Variants in MEIS2 observed in about 807,000 individuals in gnomAD.
The protein encoded by MEIS2 is homeobox protein Meis2.
A neutral mutation model predicts 58.6 loss-of-function variants in MEIS2; 9 were observed. The observed-to-expected ratio is 0.15, with a 90% CI of 0.09 to 0.27. The LOEUF is 0.27. MEIS2 is among the 10% of genes least tolerant of loss of function. The pLI is 1.00. For missense variants in MEIS2, 427 were observed against 635.0 expected (o/e 0.67, Z 3.52); for synonymous variants, 221 against 228.4 (o/e 0.97, Z 0.29).
At chr15:37,030,306 T>C (rs1430613300) in intron 8 of MEIS2, among the ~76,000 whole-genome samples, 1 of 152,146 alleles carries the variant, frequency 6.6e-6, no homozygotes, top group Non-Finnish European at 1.5e-5. Flanking sequence ...AATGTTAATA[T>C]GGATTTCGGA....
At chr15:37,086,935 AT>A (rs1337085323) in intron 6 of MEIS2, among the ~76,000 whole-genome samples, 2 of 152,204 alleles carry the variant, frequency 1.3e-5, no homozygotes, top group Non-Finnish European at 2.9e-5. Context: ...TGAGATTAAA[AT>A]ATTTGTTTAT....
At chr15:37,058,540 C>G (rs1194417036) in intron 7 of MEIS2, among the ~76,000 whole-genome samples, 1 of 152,188 alleles carries the variant, frequency 6.6e-6, no homozygotes, top group East Asian at 1.9e-4. Flanking sequence ...ACAGACGTCT[C>G]CGGCAGACAC....
At chr15:37,096,453 G>C (rs1567295882) in intron 2 of MEIS2, 23 bp from the exon 3 acceptor site, 4 of 1,609,164 alleles carry the variant, frequency 2.5e-6, no homozygotes, top group South Asian at 1.1e-5. Context: ...GCCACGCAGA[G>C]ACACACACAC....
At chr15:36,992,307 T>G (rs1257528774) in intron 8 of MEIS2, among the ~76,000 whole-genome samples, 1 of 152,110 alleles carries the variant, frequency 6.6e-6, no homozygotes, top group Non-Finnish European at 1.5e-5. Context: ...AATTAATAAT[T>G]CAGCATCAGT....
chr15:37,049,986 A>T (rs1039734063), intron 7 of MEIS2, among the ~76,000 whole-genome samples: 1 of 152,218 alleles, frequency 6.6e-6, no homozygotes, highest in Non-Finnish European at 1.5e-5. Context: ...AAAAATTTGC[A>T]ATAGATATTA....
At chr15:36,997,437 G>A (rs1226206427) in intron 8 of MEIS2, among the ~76,000 whole-genome samples, 5 of 151,580 alleles carry the variant, frequency 3.3e-5, no homozygotes, top group African/African-American at 1.2e-4. Flanking sequence ...AAGGGCCCAT[G>A]GATAATACAT....
At chr15:37,069,941 T>C (rs4496090) in intron 7 of MEIS2, among the ~76,000 whole-genome samples, 91,668 of 151,854 alleles carry the variant, frequency 0.6, 28,568 homozygotes, top group Non-Finnish European at 0.68. Context: ...TGAGGAAAGA[T>C]TGTTGTTTTC....
chr15:36,991,888 C>T (rs935764633), intron 8 of MEIS2, among the ~76,000 whole-genome samples: 2 of 133,070 alleles, frequency 1.5e-5, no homozygotes, highest in African/African-American at 5.5e-5. Flanking sequence ...CCCGGGTTCA[C>T]GCCATTCTCC....
chr15:36,958,205 G>A (rs575739481), intron 8 of MEIS2, among the ~76,000 whole-genome samples: 16 of 152,166 alleles, frequency 1.1e-4, no homozygotes, highest in Non-Finnish European at 1.6e-4. Flanking sequence ...GAGAGCCACA[G>A]TGGGAAGGCC....
intron 8 of MEIS2, among the ~76,000 whole-genome samples, chr15:36,997,521 C>G (rs554968583): frequency 1.6e-4 from 23 of 145,052 alleles, no homozygotes; most frequent in African/African-American, 5.8e-4. Flanking sequence ...GAATCTTGCT[C>G]TGTTGCCCAG....
chr15:36,977,799 C>T (rs1011307115), intron 8 of MEIS2, among the ~76,000 whole-genome samples: 3 of 152,094 alleles, frequency 2.0e-5, no homozygotes, highest in African/African-American at 7.2e-5. Context: ...AGTGTTTTCT[C>T]TCAATAAGGG....
At chr15:36,911,136 C>T (rs1474529177) in intron 9 of MEIS2, among the ~76,000 whole-genome samples, 1 of 150,450 alleles carries the variant, frequency 6.6e-6, no homozygotes, top group African/African-American at 2.4e-5. Flanking sequence ...TCTACCTTTT[C>T]CTTTCCTTAC....
intron 7 of MEIS2, among the ~76,000 whole-genome samples, chr15:37,050,329 A>AG (rs1260272839): frequency 5.3e-5 from 8 of 152,188 alleles, no homozygotes; most frequent in Non-Finnish European, 8.8e-5. Flanking sequence ...GTTTGTGCCT[A>AG]GGCTTTTATT....
intron 8 of MEIS2, among the ~76,000 whole-genome samples, chr15:36,987,867 T>C (rs2141537939): frequency 6.6e-6 from 1 of 152,254 alleles, no homozygotes; most frequent in African/African-American, 2.4e-5. Flanking sequence ...TCAGTTTCAA[T>C]GTTGAGAATA....
chr15:36,896,276 A>G (rs895943411), intron 10 of MEIS2, among the ~76,000 whole-genome samples: 3 of 152,234 alleles, frequency 2.0e-5, no homozygotes, highest in Admixed American at 2.0e-4. Flanking sequence ...CCTAGCATAC[A>G]CCAAGGAGCT....
intron 7 of MEIS2, among the ~76,000 whole-genome samples, chr15:37,040,070 C>CTG (rs1198895080): frequency 1.4e-5 from 2 of 142,066 alleles, no homozygotes; most frequent in African/African-American, 2.6e-5. Context: ...TGTTTTAAGG[C>CTG]TGTGTATGTG....
intron 6 of MEIS2, among the ~76,000 whole-genome samples, chr15:37,089,841 G>A (rs1474050427): frequency 1.3e-5 from 2 of 151,870 alleles, no homozygotes; most frequent in African/African-American, 2.4e-5. Flanking sequence ...ATCTTTACAT[G>A]TAAATGTGAG....
chr15:37,046,122 T>G (rs1262719992), intron 7 of MEIS2, among the ~76,000 whole-genome samples: 5 of 152,250 alleles, frequency 3.3e-5, no homozygotes, highest in Admixed American at 2.6e-4. Context: ...ATCCTCCCTC[T>G]ATTTACACAG....
At chr15:36,985,856 A>T (rs1264430424) in intron 8 of MEIS2, among the ~76,000 whole-genome samples, 2 of 152,200 alleles carry the variant, frequency 1.3e-5, no homozygotes, top group Non-Finnish European at 2.9e-5. Flanking sequence ...CAGCAGGCAG[A>T]TGGTGACAGA....
Sources: allele counts gnomAD v4.1 joint callset (sites outside exome capture counted in the v4.1 genomes callset), GRCh38; gene constraint gnomAD v4.1.1; transcripts MANE v1.5; gene names NCBI Gene and HGNC (gene_info 2026-07-23, HGNC 2026-07-21).